TXNDC12: variants seen among roughly 807,000 people sequenced by gnomAD.
The protein encoded by TXNDC12 is thioredoxin domain-containing protein 12.
Under a neutral mutation model 24.2 loss-of-function variants are expected in TXNDC12, and 22 were observed. The ratio of observed to expected loss-of-function variants is 0.91; its 90% confidence interval spans 0.65 to 1.30. The LOEUF (loss-of-function observed/expected upper bound fraction) is 1.30. Ranked by LOEUF, TXNDC12 falls within the 50% of genes most tolerant of loss-of-function variation. TXNDC12 has a pLI of 0.00. For synonymous variants in TXNDC12, 58 were observed against 73.4 expected (o/e 0.79, Z 1.07); for missense variants, 184 against 205.8 (o/e 0.89, Z 0.65).
chr1:52,032,855 T>A lies in TXNDC12; in HGVS notation c.159-4225A>T, dbSNP rs531419148. 9.9e-6 allele frequency: 16 copies of A among 1,614,202 alleles called. No individual in the cohort carries two copies. The South Asian group carries it at 1.8e-4, about 18-fold the overall frequency. On this transcript the variant is annotated intron_variant, in intron 2 of 6. Coordinates refer to ENST00000371626, the MANE Select transcript of TXNDC12 (RefSeq NM_015913.4). The stretch of plus-strand genomic sequence containing the variant: ...CGGGTAAACCGCAAGTGCTCTGTGG[T>A]ACCAGGAAGCGTGAGCAAGTCCCCG...
intron 6 of TXNDC12, among the ~76,000 whole-genome samples, chr1:52,022,685 C>T (rs1444982957): frequency 7.1e-6 from 1 of 141,802 alleles, no homozygotes; most frequent in African/African-American, 2.7e-5. Context: ...GTCACCCAGG[C>T]TAGAGTGCAA....
In TXNDC12 at chr1:52,039,775, T is replaced by G. The variant is rs181289173; in HGVS notation, c.158+1762A>C. On this transcript the variant is annotated intron_variant, in intron 2 of 6. Transcript: ENST00000371626. ...GCAACAGGAGGTGGCCACAAAATTATTAGTAATGTTATATACTACAGTTAA... is the reference window on the plus strand; with the variant it reads ...GCAACAGGAGGTGGCCACAAAATTAGTAGTAATGTTATATACTACAGTTAA... 1.2e-3 allele frequency among the ~76,000 whole-genome samples: 190 copies of G among 152,360 alleles called. 1 individual carries two copies. The Middle Eastern group carries it at 0.017, about 14-fold the overall frequency.
At chr1:52,034,283 T>C (rs1685841602) in intron 2 of TXNDC12, among the ~76,000 whole-genome samples, 1 of 152,172 alleles carries the variant, frequency 6.6e-6, no homozygotes, top group East Asian at 1.9e-4. Flanking sequence ...ATCAGGCGCC[T>C]ACAATCAGAG....
At chr1:52,030,176 C>A (rs1202919582) in intron 2 of TXNDC12, among the ~76,000 whole-genome samples, 1 of 151,996 alleles carries the variant, frequency 6.6e-6, no homozygotes, top group Admixed American at 6.6e-5. Flanking sequence ...CCAAGACCAG[C>A]CAGGGCAACA....
At chr1:52,040,810 C>T (rs1339206050) in intron 2 of TXNDC12, among the ~76,000 whole-genome samples, 3 of 150,568 alleles carry the variant, frequency 2.0e-5, no homozygotes, top group East Asian at 4.0e-4. Flanking sequence ...GCAGGTGGAT[C>T]GCCTGAGGTT....
At chr1:52,042,902 A>G (rs1241244012) in intron 1 of TXNDC12, among the ~76,000 whole-genome samples, 1 of 152,182 alleles carries the variant, frequency 6.6e-6, no homozygotes, top group Non-Finnish European at 1.5e-5. Context: ...GATTACAGGC[A>G]TGAGCCACTG....
At chr1:52,047,390 A>G (rs757364870) in intron 1 of TXNDC12, among the ~76,000 whole-genome samples, 1 of 152,198 alleles carries the variant, frequency 6.6e-6, no homozygotes, top group Non-Finnish European at 1.5e-5. Flanking sequence ...AGTATTGGAG[A>G]TTTGAAAAGA....
At chr1:52,032,933 C>A in intron 2 of TXNDC12, 1 of 1,605,456 alleles carries the variant, frequency 6.2e-7, no homozygotes, top group Non-Finnish European at 8.5e-7. Flanking sequence ...TGACTCGTGA[C>A]CTGGTCCAAC....
At chr1:52,021,279 C>T (rs2809922) in intron 6 of TXNDC12, among the ~76,000 whole-genome samples, 147,534 of 152,292 alleles carry the variant, frequency 0.97, 71,615 homozygotes, top group East Asian at 1. Context: ...TTATCAACTA[C>T]GAAGTCATAC....
intron 2 of TXNDC12, among the ~76,000 whole-genome samples, chr1:52,040,518 G>C (rs938423696): frequency 2.0e-5 from 3 of 152,186 alleles, no homozygotes; most frequent in Non-Finnish European, 4.4e-5. Context: ...ATTTTAACTT[G>C]TAGATTTCTG....
intron 3 of TXNDC12, among the ~76,000 whole-genome samples, chr1:52,028,361 A>G (rs1685704642): frequency 6.6e-6 from 1 of 152,152 alleles, no homozygotes; most frequent in African/African-American, 2.4e-5. Flanking sequence ...TTAATCCCAT[A>G]CGTGACATAA....
chr1:52,049,457 G>T (rs1039623367), intron 1 of TXNDC12, among the ~76,000 whole-genome samples: 13 of 152,184 alleles, frequency 8.5e-5, no homozygotes, highest in African/African-American at 3.1e-4. Context: ...ATGGTGGCAG[G>T]TGCCTGTAAT....
At chr1:52,046,900 G>A (rs1263651831) in intron 1 of TXNDC12, among the ~76,000 whole-genome samples, 3 of 146,456 alleles carry the variant, frequency 2.0e-5, no homozygotes, top group South Asian at 2.1e-4. Flanking sequence ...TATATTAGCC[G>A]GGTATGGTGG....
chr1:52,055,491 T>G (rs1686325255), upstream of TXNDC12: 1 of 213,302 alleles, frequency 4.7e-6, no homozygotes, highest in Non-Finnish European at 9.6e-6. Flanking sequence ...ACCGCTGCAC[T>G]TCCTAGTCAA....
intron 2 of TXNDC12, among the ~76,000 whole-genome samples, chr1:52,035,865 A>C (rs975631983): frequency 6.6e-6 from 1 of 152,212 alleles, no homozygotes; most frequent in Admixed American, 6.5e-5. Flanking sequence ...GCAGTATGGT[A>C]TACAGGTTTA....
rs143216417 is a variant in TXNDC12, at chr1:52,047,671, G to A, written c.98-6074C>T. On this transcript the variant is annotated intron_variant, in intron 1 of 6. Coordinates refer to ENST00000371626, the MANE Select transcript of TXNDC12 (RefSeq NM_015913.4). ...TAGTCCCAGCTACTCTGGAGGTTGA[G>A]TCAGGAGGATTGCTTGAGCCCCGGA... Among the ~76,000 whole-genome samples the A allele has an allele frequency of 1.4e-4, 22 of 152,276 alleles. No homozygotes were observed. The East Asian group carries it at 2.1e-3, about 15-fold the overall frequency.
Position 52,041,545 on chromosome 1 carries a change from T to TA in TXNDC12, c.149_150insT (p.Ala51SerfsTer13). 6.2e-7 allele frequency: 1 copy of TA among 1,612,096 alleles called. No individual in the cohort carries two copies. The highest frequency in any genetic ancestry group is 8.5e-7 in the Non-Finnish European group (1 of 1,178,542). On this transcript the variant is annotated frameshift_variant, in exon 2 of 7. Transcript: ENST00000371626. LOFTEE classifies it high-confidence loss of function. ...AAAACCATGTCTTGTACCTGGCAGC[T>TA]GCTTCTTTCTTCCCATCTTCCAGTG...
At chr1:52,027,748 CATAT>C (rs1172646124) in intron 3 of TXNDC12, among the ~76,000 whole-genome samples, 3 of 148,576 alleles carry the variant, frequency 2.0e-5, no homozygotes, top group Non-Finnish European at 4.5e-5. Context: ...GTTATATATA[CATAT>C]ATACATATAT....
At position 52,032,683 on chromosome 1, in the gene TXNDC12, C is replaced by G. The variant is rs373472716; in HGVS notation, c.159-4053G>C. On this transcript the variant is annotated intron_variant, in intron 2 of 6. Transcript: ENST00000371626. ...GGAGATCAGAAGCCATGGCTTCCCC[C>G]CTACCTCCTCTGGTCAGTGCAGGCT... The G allele has an allele frequency of 2.4e-5, 37 of 1,571,178 alleles. 1 individual carries two copies. In the African/African-American group the frequency reaches 2.5e-4, roughly 10 times the overall value.
Sources: gnomAD v4.1 joint callset for allele counts (sites outside exome capture counted in the v4.1 genomes callset) on GRCh38, gnomAD v4.1.1 for gene constraint, MANE v1.5 for transcripts, NCBI Gene and HGNC (gene_info 2026-07-23, HGNC 2026-07-21) for gene names.